CNOT6: variants seen among roughly 807,000 people sequenced by gnomAD.
CNOT6 encodes CCR4-NOT transcription complex subunit 6.
Under a neutral mutation model 61.2 loss-of-function variants are expected in CNOT6, and 12 were observed. The observed-to-expected ratio is 0.20, with a 90% CI of 0.13 to 0.32. The LOEUF is 0.32. CNOT6 is among the 10% of genes least tolerant of loss of function. The pLI, the probability that CNOT6 is intolerant of heterozygous loss-of-function variation, is 1.00. For synonymous variants in CNOT6, 225 were observed against 240.6 expected, an observed-to-expected ratio of 0.94 and a Z score of 0.60; for missense variants, 405 against 663.9, an observed-to-expected ratio of 0.61 and a Z score of 4.28.
At chr5:180,551,100 TTGAG>T (rs1759575561) in intron 3 of CNOT6, among the ~76,000 whole-genome samples, 1 of 151,948 alleles carries the variant, frequency 6.6e-6, no homozygotes, top group South Asian at 2.1e-4. Context: ...TCCCAGTACT[TTGAG>T]TGGCTGAGGC....
rs77718435 is a variant in CNOT6 at position 180,546,770 on chromosome 5, A to G, written c.113-3161A>G. ...AATTTTCTCTAATTTCCTATCAGGT[A>G]GATCAACTGGCAATGAATCATTTCA... is the stretch of plus-strand genomic sequence containing the variant. On this transcript the variant is annotated intron_variant, in intron 2 of 11. Transcript: ENST00000261951. Among the ~76,000 whole-genome samples the G allele has an allele frequency of 5.3e-5, 8 of 152,362 alleles. 1 individual carries two copies. The East Asian group carries it at 1.5e-3, about 29-fold the overall frequency.
intron 2 of CNOT6, among the ~76,000 whole-genome samples, chr5:180,540,451 G>T (rs1335405814): frequency 2.0e-5 from 3 of 152,178 alleles, no homozygotes; most frequent in African/African-American, 7.2e-5. Flanking sequence ...TAGTATGAAA[G>T]TGTCATGCAT....
intron 1 of CNOT6, among the ~76,000 whole-genome samples, chr5:180,508,169 T>C (rs1410944292): frequency 6.8e-6 from 1 of 146,370 alleles, no homozygotes; most frequent in African/African-American, 2.5e-5. Flanking sequence ...GTGAGAGATT[T>C]AGGAAGTAAA....
At chr5:180,509,316 C>T (rs1757277233) in intron 1 of CNOT6, among the ~76,000 whole-genome samples, 1 of 151,514 alleles carries the variant, frequency 6.6e-6, no homozygotes, top group South Asian at 2.1e-4. Context: ...ATTTTTTTTT[C>T]TACAGACCAG....
chr5:180,552,868 G>A (rs1009040791), intron 3 of CNOT6, among the ~76,000 whole-genome samples: 4 of 152,178 alleles, frequency 2.6e-5, no homozygotes, highest in African/African-American at 9.7e-5. Flanking sequence ...TTAGTTGATA[G>A]CAATCATAAG....
intron 2 of CNOT6, among the ~76,000 whole-genome samples, chr5:180,541,246 C>T (rs1389056469): frequency 6.6e-6 from 1 of 150,862 alleles, no homozygotes; most frequent in East Asian, 2.0e-4. Flanking sequence ...TGAAGTGATT[C>T]TCCTGCCTCA....
rs186587447 is a variant in CNOT6 at position 180,497,390 on chromosome 5, T to G, written c.-3+2627T>G. 3.3e-5 allele frequency among the ~76,000 whole-genome samples: 5 copies of G among 152,042 alleles called. No individual in the cohort carries two copies. The East Asian group carries it at 9.7e-4, about 29-fold the overall frequency. On this transcript the variant is annotated intron_variant, in intron 1 of 11. Coordinates refer to ENST00000261951, the MANE Select transcript of CNOT6 (RefSeq NM_001370472.1). ...AGACATTCCAGTACCTATATTTGCC[T>G]TCTTATATTCTTTAAATGATAAACC...
Position 180,575,536 on chromosome 5 carries a change from G to A in CNOT6, c.*1336G>A, listed in dbSNP as rs987313307. ...ATTTATGAAGCAGTATGAATTAGAT[G>A]TATTTTCAAAACAGGTCCCTAAGAC... On this transcript the variant is annotated 3_prime_UTR_variant, in exon 12 of 12. Coordinates refer to ENST00000261951, the MANE Select transcript of CNOT6 (RefSeq NM_001370472.1). The A allele has an allele frequency of 6.6e-6, 1 of 152,324 alleles. No homozygotes were observed. Among genetic ancestry groups the A allele is most frequent in the African/African-American group, 2.4e-5 (1 of 41,358 alleles). The allele number at this position is 152,324 out of a possible 1,614,324, so 9.4% of individuals were successfully genotyped here.
At chr5:180,550,585 CTAA>C (rs1452785632) in intron 3 of CNOT6, among the ~76,000 whole-genome samples, 9 of 152,280 alleles carry the variant, frequency 5.9e-5, no homozygotes, top group African/African-American at 2.2e-4. Flanking sequence ...TGAATGTCAG[CTAA>C]TAATAAATTA....
Position 180,498,359 on chromosome 5 carries a change from AG to A in CNOT6, c.-3+3598del, listed in dbSNP as rs1756712520. On this transcript the variant is annotated intron_variant, in intron 1 of 11. Coordinates refer to ENST00000261951, the MANE Select transcript of CNOT6 (RefSeq NM_001370472.1). The stretch of plus-strand genomic sequence containing the variant: ...CCGATTTTGCCTTCTCATAGTGTAT[AG>A]GCTTCATAGGTGCACAGAGTGCTGT... Among the ~76,000 whole-genome samples, 5 of 152,340 alleles carry A rather than the reference AG, an allele frequency of 3.3e-5. No individual in the cohort carries two copies. The South Asian group carries it at 1.0e-3, about 32-fold the overall frequency.
At chr5:180,507,256 T>C (rs896977537) in intron 1 of CNOT6, among the ~76,000 whole-genome samples, 1 of 152,202 alleles carries the variant, frequency 6.6e-6, no homozygotes, top group African/African-American at 2.4e-5. Context: ...TTACTTGTTT[T>C]GTAAATGAGC....
intron 2 of CNOT6, among the ~76,000 whole-genome samples, chr5:180,531,506 C>T (rs1471197315): frequency 4.7e-5 from 7 of 150,178 alleles, no homozygotes; most frequent in Non-Finnish European, 7.4e-5. Context: ...CCAGACTGGG[C>T]GGCCGGGCTG....
At position 180,562,512 on chromosome 5, in the gene CNOT6, G is replaced by A. The variant is rs541376020; in HGVS notation, c.386-1977G>A. Among the ~76,000 whole-genome samples, 120 of 152,222 alleles carry A rather than the reference G, an allele frequency of 7.9e-4. 2 individuals are homozygous for A. The highest frequency in any genetic ancestry group is 1.9e-3 in the Admixed American group (29 of 15,296). On this transcript the variant is annotated intron_variant, in intron 4 of 11. Transcript: ENST00000261951. ...TCCCAGCACTTTGGGAGGCCGAGTC[G>A]GGTGGATCACGAGGTCAGGAGATTG... is the stretch of plus-strand genomic sequence containing the variant.
intron 2 of CNOT6, among the ~76,000 whole-genome samples, chr5:180,535,262 A>G (rs1421017812): frequency 2.0e-5 from 3 of 152,208 alleles, no homozygotes; most frequent in Non-Finnish European, 4.4e-5. Flanking sequence ...TAGTGTACTC[A>G]TTGCCCTAAT....
At chr5:180,506,476 G>A (rs1757135774) in intron 1 of CNOT6, among the ~76,000 whole-genome samples, 1 of 152,184 alleles carries the variant, frequency 6.6e-6, no homozygotes, top group Non-Finnish European at 1.5e-5. Context: ...GGATAGACCT[G>A]GCAGGTAATG....
chr5:180,569,514 G>A (rs141346665), intron 10 of CNOT6, among the ~76,000 whole-genome samples, 174 bp downstream of exon 10: 116 of 152,216 alleles, frequency 7.6e-4, no homozygotes, highest in African/African-American at 2.7e-3. Context: ...AAGATGAAAC[G>A]ATATTATGGA....
At chr5:180,525,707 G>T (rs1561641000) in intron 1 of CNOT6, among the ~76,000 whole-genome samples, 1 of 152,050 alleles carries the variant, frequency 6.6e-6, no homozygotes, top group Non-Finnish European at 1.5e-5. Context: ...CTGTTTTCTG[G>T]TAAAATGGAG....
chr5:180,553,167 C>T (rs1759706627), intron 3 of CNOT6, among the ~76,000 whole-genome samples: 1 of 151,738 alleles, frequency 6.6e-6, no homozygotes, highest in Admixed American at 6.6e-5. Flanking sequence ...TGTCCTTTTC[C>T]CCCATTATTT....
chr5:180,540,275 G>C (rs1032591797), intron 2 of CNOT6, among the ~76,000 whole-genome samples: 2 of 152,178 alleles, frequency 1.3e-5, no homozygotes, highest in Admixed American at 1.3e-4. Flanking sequence ...GTGCTTTCCA[G>C]TGTATACCAG....
Sources: gnomAD v4.1 joint callset for allele counts (sites outside exome capture counted in the v4.1 genomes callset) on GRCh38, gnomAD v4.1.1 for gene constraint, MANE v1.5 for transcripts, NCBI Gene and HGNC (gene_info 2026-07-23, HGNC 2026-07-21) for gene names.